PELI2: variants seen among roughly 807,000 people sequenced by gnomAD.
The protein encoded by PELI2 is pellino E3 ubiquitin protein ligase family member 2, also known as E3 ubiquitin-protein ligase pellino homolog 2.
Under a neutral mutation model 42.3 loss-of-function variants are expected in PELI2, and 23 were observed. The observed-to-expected ratio is 0.54, with a 90% CI of 0.39 to 0.77. The LOEUF is 0.77. Among genes scored for constraint, PELI2 ranks in the 30% least tolerant of loss-of-function variants. The pLI, the probability that PELI2 is intolerant of heterozygous loss-of-function variation, is 0.00. For missense variants in PELI2, 463 were observed against 553.2 expected, an observed-to-expected ratio of 0.84 and a Z score of 1.64; for synonymous variants, 245 against 212.2, an observed-to-expected ratio of 1.15 and a Z score of -1.34.
chr14:56,132,821 A>G (rs1264864083), intron 1 of PELI2, among the ~76,000 whole-genome samples: 1 of 152,146 alleles, frequency 6.6e-6, no homozygotes, highest in South Asian at 2.1e-4. Context: ...AATTCACCCC[A>G]GTTTTCCCTA....
chr14:56,216,716 C>G (rs1685718388), intron 2 of PELI2, among the ~76,000 whole-genome samples: 1 of 152,222 alleles, frequency 6.6e-6, no homozygotes, highest in African/African-American at 2.4e-5. Context: ...TAGGCAAAGG[C>G]TGTGTTCAGA....
At chr14:56,245,889 A>C (rs1223430245) in intron 2 of PELI2, among the ~76,000 whole-genome samples, 3 of 152,326 alleles carry the variant, frequency 2.0e-5, no homozygotes, top group East Asian at 3.9e-4. Context: ...AGGATGTATT[A>C]ATACATATAT....
In PELI2 at chr14:56,223,385, C is replaced by T. The variant is rs887724742; in HGVS notation, c.207+44921C>T. Among the ~76,000 whole-genome samples, 34 of 152,258 alleles carry T rather than the reference C, an allele frequency of 2.2e-4. 1 individual carries two copies. The East Asian group carries it at 6.6e-3, about 29-fold the overall frequency. On this transcript the variant is annotated intron_variant, in intron 2 of 5. Coordinates refer to ENST00000267460, the MANE Select transcript of PELI2 (RefSeq NM_021255.3). ...TACTTTAGAGCTTTGACATTCTCCC[C>T]CTTGACTCATATGGGGGTTCCCTGT...
intron 5 of PELI2, among the ~76,000 whole-genome samples, chr14:56,295,288 C>T (rs537059538): frequency 6.6e-6 from 1 of 152,224 alleles, no homozygotes; most frequent in African/African-American, 2.4e-5. Flanking sequence ...ACCTAAACCC[C>T]CTACCAACTC....
intron 1 of PELI2, among the ~76,000 whole-genome samples, chr14:56,149,374 G>T (rs930931681): frequency 6.6e-6 from 1 of 152,098 alleles, no homozygotes; most frequent in Non-Finnish European, 1.5e-5. Context: ...AAGATATTCC[G>T]CACACTGCAG....
At chr14:56,119,638 C>T (rs572978532) in intron 1 of PELI2, 15 of 302,662 alleles carry the variant, frequency 5.0e-5, no homozygotes, top group Non-Finnish European at 6.8e-5. Context: ...TATTGTTTAC[C>T]CTTAATAAGC....
At chr14:56,293,637 C>T (rs1289887590) in intron 5 of PELI2, among the ~76,000 whole-genome samples, 2 of 152,192 alleles carry the variant, frequency 1.3e-5, no homozygotes, top group African/African-American at 4.8e-5. Context: ...AGTCCACGCT[C>T]TGCCCTCTAA....
intron 1 of PELI2, among the ~76,000 whole-genome samples, chr14:56,163,127 A>G (rs1884826933): frequency 6.6e-6 from 1 of 152,002 alleles, no homozygotes; most frequent in Non-Finnish European, 1.5e-5. Context: ...GTGCTTGTGG[A>G]GTATTATTCA....
In PELI2 at chr14:56,287,898, G is replaced by A. The variant is rs554400093; in HGVS notation, c.310-539G>A. ...AAAATGCCTTGGAAATTGACTTTTGGGAACTTTATGTGCATACATCACAGG... is the reference window on the plus strand; with the variant it reads ...AAAATGCCTTGGAAATTGACTTTTGAGAACTTTATGTGCATACATCACAGG... On this transcript the variant is annotated intron_variant, in intron 3 of 5. Coordinates refer to ENST00000267460, the MANE Select transcript of PELI2 (RefSeq NM_021255.3). Among the ~76,000 whole-genome samples, 3 of 152,256 alleles carry A rather than the reference G, an allele frequency of 2.0e-5. No individual in the cohort carries two copies. In the South Asian group the frequency reaches 6.2e-4, roughly 32 times the overall value.
intron 1 of PELI2, among the ~76,000 whole-genome samples, chr14:56,143,251 T>C (rs1252278391): frequency 1.3e-5 from 2 of 152,222 alleles, no homozygotes; most frequent in Non-Finnish European, 2.9e-5. Flanking sequence ...CTATCCAGTT[T>C]TGTCTAGAAG....
At chr14:56,211,639 A>G (rs1886715498) in intron 2 of PELI2, among the ~76,000 whole-genome samples, 1 of 152,208 alleles carries the variant, frequency 6.6e-6, no homozygotes, top group Non-Finnish European at 1.5e-5. Flanking sequence ...GGGTGAATAT[A>G]AATAAGATGG....
intron 2 of PELI2, among the ~76,000 whole-genome samples, chr14:56,253,569 G>C (rs879000305): frequency 1.3e-5 from 2 of 152,136 alleles, no homozygotes; most frequent in Non-Finnish European, 1.5e-5. Context: ...GACAAACAGA[G>C]AGCCAAATCA....
At chr14:56,128,582 C>T (rs1883364842) in intron 1 of PELI2, among the ~76,000 whole-genome samples, 1 of 152,092 alleles carries the variant, frequency 6.6e-6, no homozygotes, top group South Asian at 2.1e-4. Context: ...TTTAGCAGAG[C>T]CTTGAGAGGT....
At chr14:56,265,005 A>G (rs754352243) in intron 2 of PELI2, among the ~76,000 whole-genome samples, 2 of 152,208 alleles carry the variant, frequency 1.3e-5, no homozygotes, top group Non-Finnish European at 1.5e-5. Flanking sequence ...GAGGACCTAA[A>G]TATGTGGAGA....
intron 1 of PELI2, among the ~76,000 whole-genome samples, chr14:56,139,936 C>A (rs1397766694): frequency 8.8e-6 from 1 of 114,068 alleles, no homozygotes; most frequent in Non-Finnish European, 1.8e-5. Flanking sequence ...ATTTGTAGGG[C>A]AGCTCATTGC....
rs1455934359 is a variant in PELI2 at position 56,286,785 on chromosome 14, C to T, written c.310-1652C>T. On this transcript the variant is annotated intron_variant, in intron 3 of 5. Coordinates refer to ENST00000267460, the MANE Select transcript of PELI2 (RefSeq NM_021255.3). ...TGTTTTGTTTTCCTGGAAAAAGCAA[C>T]ATGAGGCTTGTGTCATAAAGTATAA... Among the ~76,000 whole-genome samples, 4 of 151,964 alleles carry T rather than the reference C, an allele frequency of 2.6e-5. No homozygotes were observed. The East Asian group carries it at 7.7e-4, about 29-fold the overall frequency.
At position 56,300,604 on chromosome 14, in the gene PELI2, T is replaced by G. The variant is rs1485421005; in HGVS notation, c.*3438T>G. 6.6e-6 allele frequency: 1 copy of G among 152,224 alleles called. No homozygotes were observed. The highest frequency in any genetic ancestry group is 1.5e-5 in the Non-Finnish European group (1 of 68,048). 9.4% of individuals were successfully genotyped at this position (152,224 alleles called of 1,614,324 possible). The stretch of plus-strand genomic sequence containing the variant: ...GTTTTGTTTCACTTCTTTTCTTTTT[T>G]AAAGCCATTCTGTTCTTTGGATGTG... On this transcript the variant is annotated 3_prime_UTR_variant, in exon 6 of 6. Transcript: ENST00000267460.
intron 2 of PELI2, among the ~76,000 whole-genome samples, chr14:56,277,014 A>C (rs1306120102): frequency 6.6e-6 from 1 of 152,302 alleles, no homozygotes; most frequent in East Asian, 1.9e-4. Flanking sequence ...ATAGTCTTAT[A>C]GTTTGGGTCA....
At chr14:56,168,377 C>T (rs1885044271) in intron 1 of PELI2, among the ~76,000 whole-genome samples, 2 of 152,150 alleles carry the variant, frequency 1.3e-5, no homozygotes, top group Non-Finnish European at 2.9e-5. Flanking sequence ...AGTTGGCCCT[C>T]AAACTAGAAG....
Sources: allele counts gnomAD v4.1 joint callset (sites outside exome capture counted in the v4.1 genomes callset), GRCh38; gene constraint gnomAD v4.1.1; transcripts MANE v1.5; gene names NCBI Gene and HGNC (gene_info 2026-07-23, HGNC 2026-07-21).